The following SIPA1L2 variants were observed in gnomAD, a reference collection of about 807,000 sequenced individuals.
SIPA1L2 encodes signal induced proliferation associated 1 like 2.
Under a neutral mutation model 163.9 loss-of-function variants are expected in SIPA1L2, and 56 were observed. That is an observed-to-expected ratio of 0.34 (90% CI 0.28 to 0.43). SIPA1L2 has a LOEUF of 0.43. SIPA1L2 is among the 20% of genes least tolerant of loss of function. SIPA1L2 has a pLI of 1.00. For missense variants in SIPA1L2, 1,974 were observed against 2,193.5 expected (o/e 0.90, Z 2.00); for synonymous variants, 877 against 865.7 (o/e 1.01, Z -0.23).
chr1:232,570,398 G>T (rs908859371), intron 2 of SIPA1L2, among the ~76,000 whole-genome samples: 1 of 152,124 alleles, frequency 6.6e-6, no homozygotes, highest in Admixed American at 6.5e-5. Context: ...CCGTCTCCTC[G>T]GTTCTGACGC....
At chr1:232,609,441 T>G (rs975681150) in intron 1 of SIPA1L2, among the ~76,000 whole-genome samples, 9 of 151,936 alleles carry the variant, frequency 5.9e-5, no homozygotes, top group African/African-American at 2.2e-4. Context: ...CTATTATGCA[T>G]ATTATTAAAA....
At chr1:232,594,905 G>A (rs1012362854) in intron 1 of SIPA1L2, among the ~76,000 whole-genome samples, 3 of 152,238 alleles carry the variant, frequency 2.0e-5, no homozygotes, top group Admixed American at 1.3e-4. Flanking sequence ...GATCTGCAGC[G>A]CCCACACCCA....
At chr1:232,415,390 A>AGTTTGAGATG in intron 19 of SIPA1L2, 104 bp downstream of exon 19, 1 of 1,385,612 alleles carries the variant, frequency 7.2e-7, no homozygotes, top group Non-Finnish European at 9.5e-7. Flanking sequence ...CAAAACTTTG[A>AGTTTGAGATG]CCAGACGATG....
At chr1:232,532,295 G>A (rs1026268940) in intron 2 of SIPA1L2, among the ~76,000 whole-genome samples, 11 of 152,158 alleles carry the variant, frequency 7.2e-5, no homozygotes, top group African/African-American at 2.4e-4. Flanking sequence ...GATTTTTGGC[G>A]TAAGTAACTG....
At chr1:232,567,039 T>C (rs1659444240) in intron 2 of SIPA1L2, among the ~76,000 whole-genome samples, 2 of 152,208 alleles carry the variant, frequency 1.3e-5, no homozygotes, top group Non-Finnish European at 2.9e-5. Flanking sequence ...ATCTATAAAA[T>C]ACGACTAATG....
Position 232,414,544 on chromosome 1 carries a change from G to A in SIPA1L2, c.4762+950C>T, listed in dbSNP as rs140328897. On this transcript the variant is annotated intron_variant, in intron 19 of 22. Transcript: ENST00000674635. The stretch of plus-strand genomic sequence containing the variant: ...AGAAATGGGGAGTGAGAAAGAGAAG[G>A]AAGGGCCCTGAGGCCTGAGAAGGCA... 7.9e-4 allele frequency among the ~76,000 whole-genome samples: 121 copies of A among 152,296 alleles called. 2 individuals are homozygous for A. The highest frequency in any genetic ancestry group is 1.3e-3 in the Non-Finnish European group (90 of 68,022).
In SIPA1L2 at chr1:232,535,725, C is replaced by A. The variant is rs139956272; in HGVS notation, c.-269-20117G>T. Reference sequence around the variant, plus strand: ...TTCAGTTCACATCAAATGCACCGTGCCTCACAGTAAGGAATTCTGTACTCT... The same window carrying A: ...TTCAGTTCACATCAAATGCACCGTGACTCACAGTAAGGAATTCTGTACTCT... On this transcript the variant is annotated intron_variant, in intron 2 of 22. Coordinates refer to ENST00000674635, the MANE Select transcript of SIPA1L2 (RefSeq NM_020808.5). Among the ~76,000 whole-genome samples, 464 of 152,258 alleles carry A rather than the reference C, an allele frequency of 3.0e-3. 6 individuals are homozygous for A. Among genetic ancestry groups the A allele is most frequent in the African/African-American group, 0.011 (451 of 41,524 alleles).
chr1:232,453,027 G>A (rs954013595), intron 10 of SIPA1L2, among the ~76,000 whole-genome samples: 6 of 152,074 alleles, frequency 3.9e-5, no homozygotes, highest in Non-Finnish European at 8.8e-5. Context: ...GAAAGTTCTA[G>A]ATAACAGATG....
rs765732101 is a variant in SIPA1L2, at chr1:232,514,417, G to A, written c.923C>T (p.Thr308Met). Residue 308 changes from threonine to methionine, a missense_variant, in exon 3 of 23, where the codon ACG becomes ATG. Physicochemically the swap from Thr to Met is moderately conservative, Grantham distance 81. Around this residue, in one of 3 missense-constraint regions of SIPA1L2, gnomAD observed 607 missense variants for 624.0 expected, o/e 0.97. Coordinates refer to ENST00000674635, the MANE Select transcript of SIPA1L2 (RefSeq NM_020808.5). ...CAGTCGGCTCTCCTCCAGCTCAGAC[G>A]TGAACTTGAAAGTTTCGTGCTCACT... ...VKSEHETFKF[T>M]SELEESRLER... The A allele has an allele frequency of 1.2e-5, 20 of 1,614,026 alleles. No homozygotes were observed. The highest frequency in any genetic ancestry group is 1.2e-4 in the Admixed American group (7 of 60,008).
rs781448622 is a variant in SIPA1L2, at chr1:232,425,764, G to A, written c.4455C>T (p.Arg1485=). The A allele has an allele frequency of 1.1e-5, 17 of 1,614,002 alleles. No homozygotes were observed. Among genetic ancestry groups the A allele is most frequent in the Non-Finnish European group, 1.4e-5 (17 of 1,180,010 alleles). The part of the protein sequence containing the change: ...GNLSPRRSLY[R]TLSDESICSN... ...TGCAGATGCTCTCGTCAGACAGCGTGCGGTAAAGCGACCTCCTTGGAGACA... is the reference window on the plus strand; with the variant it reads ...TGCAGATGCTCTCGTCAGACAGCGTACGGTAAAGCGACCTCCTTGGAGACA... Residue 1485 remains arginine (R), a synonymous_variant, in exon 18 of 23, where the codon CGC becomes CGT. Transcript: ENST00000674635.
At chr1:232,588,115 A>G (rs1358032071) in intron 1 of SIPA1L2, among the ~76,000 whole-genome samples, 1 of 152,170 alleles carries the variant, frequency 6.6e-6, no homozygotes, top group African/African-American at 2.4e-5. Flanking sequence ...CACACACACT[A>G]TGACTCTGTG....
chr1:232,501,965 C>T (rs1237037419), intron 3 of SIPA1L2, among the ~76,000 whole-genome samples: 2 of 152,196 alleles, frequency 1.3e-5, no homozygotes, highest in African/African-American at 4.8e-5. Flanking sequence ...GGCATTATGC[C>T]CATTTTTTAA....
At position 232,507,350 on chromosome 1, in the gene SIPA1L2, G is replaced by T. The variant is rs376304213; in HGVS notation, c.1483+6507C>A. On this transcript the variant is annotated intron_variant, in intron 3 of 22. Coordinates refer to ENST00000674635, the MANE Select transcript of SIPA1L2 (RefSeq NM_020808.5). ...TGCAGAAGAGTCATTCATAGCCGGG[G>T]TACAAGCTACCCACAGGACTTACCA... Among the ~76,000 whole-genome samples, 75 of 152,228 alleles carry T rather than the reference G, an allele frequency of 4.9e-4. No homozygotes were observed. The South Asian group carries it at 0.015, about 30-fold the overall frequency.
intron 1 of SIPA1L2, among the ~76,000 whole-genome samples, chr1:232,584,199 C>A (rs1008595854): frequency 1.3e-5 from 2 of 152,050 alleles, no homozygotes; most frequent in Non-Finnish European, 2.9e-5. Flanking sequence ...CCCATTCAGT[C>A]GGTTAGAAAT....
chr1:232,544,850 C>G (rs907997633), intron 2 of SIPA1L2, among the ~76,000 whole-genome samples: 1 of 152,132 alleles, frequency 6.6e-6, no homozygotes, highest in Non-Finnish European at 1.5e-5. Flanking sequence ...AAAAAAGCTC[C>G]GAAAGCAGAT....
At chr1:232,609,829 CAAA>C (rs71173228) in intron 1 of SIPA1L2, among the ~76,000 whole-genome samples, 15 of 102,328 alleles carry the variant, frequency 1.5e-4, no homozygotes, top group Admixed American at 3.0e-4. Context: ...GACTCCATCT[CAAA>C]AAAAAAAAAA....
intron 4 of SIPA1L2, among the ~76,000 whole-genome samples, chr1:232,492,950 G>A (rs926737063): frequency 1.4e-4 from 21 of 152,124 alleles, no homozygotes; most frequent in African/African-American, 5.1e-4. Flanking sequence ...GGAGGGGCCG[G>A]GGGCAAAATG....
In SIPA1L2 at chr1:232,443,633, C is replaced by G; in HGVS notation, c.3406G>C (p.Gly1136Arg). 6.2e-7 allele frequency: 1 copy of G among 1,608,784 alleles called. No homozygotes were observed. The highest frequency in any genetic ancestry group is 8.5e-7 in the Non-Finnish European group (1 of 1,177,652). ...SSSDPGPGGSGPWRPQVGYDG... is the reference protein window; with the variant it reads ...SSSDPGPGGSRPWRPQVGYDG... ...TAGCCCACTTGTGGTCTCCAGGGTCCGCTCCCGCCGGGTCCAGGGTCGCTG... is the reference window on the plus strand; with the variant it reads ...TAGCCCACTTGTGGTCTCCAGGGTCGGCTCCCGCCGGGTCCAGGGTCGCTG... Residue 1136 changes from glycine (G) to arginine (R), a missense_variant, in exon 12 of 23, where the codon GGA becomes CGA. Physicochemically the swap from Gly to Arg is moderately radical, Grantham distance 125. This residue lies in a region of SIPA1L2 where 1,079 missense variants were observed against 1,150.7 expected (regional missense o/e 0.94). Transcript: ENST00000674635.
chr1:232,428,816 A>T (rs1662054078), intron 16 of SIPA1L2, among the ~76,000 whole-genome samples: 1 of 152,196 alleles, frequency 6.6e-6, no homozygotes, highest in South Asian at 2.1e-4. Context: ...CAGGATGAAA[A>T]AATTACACAG....
Sources: gnomAD v4.1 joint callset for allele counts (sites outside exome capture counted in the v4.1 genomes callset) on GRCh38, gnomAD v4.1.1 for gene constraint, gnomAD v4.1.1 regional missense constraint, MANE v1.5 for transcripts, NCBI Gene and HGNC (gene_info 2026-07-23, HGNC 2026-07-21) for gene names.